ZNF121: variants seen among roughly 807,000 people sequenced by gnomAD.
The protein encoded by ZNF121 is zinc finger protein 121.
ZNF121 carries 1 observed loss-of-function variant against 2.4 expected under a neutral mutation model. The observed-to-expected ratio is 0.41, with a 90% confidence interval of 0.15 to 1.94. The LOEUF (loss-of-function observed/expected upper bound fraction) is 1.94, where lower values mean the gene tolerates loss of function less well. Ranked by LOEUF, ZNF121 falls within the 30% of genes most tolerant of loss-of-function variation. ZNF121 has a pLI of 0.30. For synonymous variants in ZNF121, 173 were observed against 158.6 expected, an observed-to-expected ratio of 1.09 and a Z score of -0.68; for missense variants, 369 against 466.3, an observed-to-expected ratio of 0.79 and a Z score of 1.92.
At chr19:9,581,181 C>T (rs988384519) in intron 1 of ZNF121, among the ~76,000 whole-genome samples, 1 of 152,150 alleles carries the variant, frequency 6.6e-6, no homozygotes, top group African/African-American at 2.4e-5. Flanking sequence ...ATTGAACACT[C>T]GAACAAAGGA....
In ZNF121 at chr19:9,569,879, G is replaced by A. The variant is rs115307861; in HGVS notation, c.-159-797C>T. On this transcript the variant is annotated intron_variant, in intron 1 of 3. Transcript: ENST00000320451. The stretch of plus-strand genomic sequence containing the variant: ...TTTTTTACGATATCGTCAAAAGCTC[G>A]AATATTGTGTCTTTTGTAGCTTTTC... Among the ~76,000 whole-genome samples the A allele has an allele frequency of 5.5e-3, 779 of 142,304 alleles. 9 individuals carry two copies. The highest frequency in any genetic ancestry group is 0.02 in the African/African-American group (747 of 37,556). The allele number at this position is 142,304 out of a possible 152,430, so 93.4% of individuals were successfully genotyped here. A position where few individuals can be genotyped will look rare whatever the true frequency, so the allele number is the denominator to read the frequency against.
chr19:9,581,572 T>C (rs905164747), intron 1 of ZNF121, among the ~76,000 whole-genome samples: 3 of 152,122 alleles, frequency 2.0e-5, no homozygotes, highest in African/African-American at 7.2e-5. Context: ...GGGGGGGTAC[T>C]ATGAATTAGA....
rs1294508160 is a variant in ZNF121, at chr19:9,562,549, T to C, written c.*3391A>G. 6.1e-6 allele frequency: 1 copy of C among 165,054 alleles called. No individual in the cohort carries two copies. Among genetic ancestry groups the C allele is most frequent in the Non-Finnish European group, 1.4e-5 (1 of 71,842 alleles). 10.2% of individuals were successfully genotyped at this position (165,054 alleles called of 1,614,324 possible). On this transcript the variant is annotated 3_prime_UTR_variant, in exon 4 of 4. Transcript: ENST00000320451. ...CGAAGACAGCAAACTTAACAAATGCTATGTTCTCACTGCTCCACCAACTGG... is the reference window on the plus strand; with the variant it reads ...CGAAGACAGCAAACTTAACAAATGCCATGTTCTCACTGCTCCACCAACTGG...
intron 1 of ZNF121, 138 bp downstream of exon 1, chr19:9,584,323 G>A (rs1229586311): frequency 6.6e-6 from 1 of 152,250 alleles, no homozygotes; most frequent in African/African-American, 2.4e-5. Flanking sequence ...TCTAGCCACT[G>A]GCCGCGCAAG....
Position 9,566,408 on chromosome 19 carries a change from T to G in ZNF121, c.705A>C (p.Lys235Asn), listed in dbSNP as rs759358625. Residue 235 changes from lysine (K) to asparagine (N), a missense_variant, in exon 4 of 4, where the codon AAA becomes AAC. Physicochemically the swap from Lys to Asn is moderately conservative, Grantham distance 94. Coordinates refer to ENST00000320451, the MANE Select transcript of ZNF121 (RefSeq NM_001008727.5). ...EKPYECNECG[K>N]AYNRFYLLTE... ...TTAGTAGATAAAACCTATTGTAGGCTTTCCCACATTCGTTACATTCATAGG... is the reference window on the plus strand; with the variant it reads ...TTAGTAGATAAAACCTATTGTAGGCGTTCCCACATTCGTTACATTCATAGG... 1 of 1,614,020 alleles carries G rather than the reference T, an allele frequency of 6.2e-7. No homozygotes were observed. Among genetic ancestry groups the G allele is most frequent in the African/African-American group, 1.3e-5 (1 of 74,948 alleles).
intron 3 of ZNF121, chr19:9,567,867 A>C: frequency 2.4e-6 from 1 of 422,440 alleles, no homozygotes; most frequent in Non-Finnish European, 4.4e-6. Context: ...GCGATGGGGA[A>C]TGGCTATACA....
rs116110907 is a variant in ZNF121 at position 9,565,618 on chromosome 19, A to G, written c.*322T>C. ...GAGACAAAGGTTGCAGTGAGCTGGG[A>G]TCATGCCATTGCACTCCAGCCTGTG... On this transcript the variant is annotated 3_prime_UTR_variant, in exon 4 of 4. Coordinates refer to ENST00000320451, the MANE Select transcript of ZNF121 (RefSeq NM_001008727.5). The G allele has an allele frequency of 0.028, 4,286 of 153,140 alleles. 198 individuals are homozygous for G. The highest frequency in any genetic ancestry group is 0.098 in the African/African-American group (4,066 of 41,446). 9.5% of individuals were successfully genotyped at this position (153,140 alleles called of 1,614,324 possible). A position where few individuals can be genotyped will look rare whatever the true frequency, so the allele number is the denominator to read the frequency against.
chr19:9,579,042 CA>C (rs2144822763), intron 1 of ZNF121, among the ~76,000 whole-genome samples: 1 of 147,854 alleles, frequency 6.8e-6, no homozygotes, highest in East Asian at 2.0e-4. Context: ...ACTTGTTTCT[CA>C]AAAAACGACA....
At chr19:9,580,563 A>C (rs1198941396) in intron 1 of ZNF121, among the ~76,000 whole-genome samples, 1 of 152,178 alleles carries the variant, frequency 6.6e-6, no homozygotes, top group Admixed American at 6.5e-5. Flanking sequence ...ACCACCCGTA[A>C]ACCTCTTGAA....
At chr19:9,568,727 C>A (rs577344635) in intron 2 of ZNF121, among the ~76,000 whole-genome samples, 108 of 151,972 alleles carry the variant, frequency 7.1e-4, no homozygotes, top group African/African-American at 2.6e-3. Flanking sequence ...AGATAATGAA[C>A]AGAAATAGTA....
In ZNF121 at chr19:9,565,940, T is replaced by C. The variant is rs911608093; in HGVS notation, c.1173A>G (p.Ter391TrpextTer13). Residue 391 changes from the stop codon to tryptophan, a stop_lost, in exon 4 of 4, where the codon TGA becomes TGG. Coordinates refer to ENST00000320451, the MANE Select transcript of ZNF121 (RefSeq NM_001008727.5). ...CATTCCTTACATTCAGAGTTTTTCT[T>C]CAGTGTGTTTTTAAATGTTTAGTAA... is the stretch of plus-strand genomic sequence containing the variant. The part of the protein sequence containing the change: ...YLLTKHLKTH[*>W] The C allele has an allele frequency of 1.3e-6, 2 of 1,537,930 alleles. No individual in the cohort carries two copies. The highest frequency in any genetic ancestry group is 8.8e-7 in the Non-Finnish European group (1 of 1,140,958).
intron 1 of ZNF121, among the ~76,000 whole-genome samples, chr19:9,574,470 T>C (rs771372830): frequency 6.6e-6 from 1 of 152,184 alleles, no homozygotes; most frequent in African/African-American, 2.4e-5. Context: ...AGGCCATTTT[T>C]ACACTTTCTG....
chr19:9,565,965 A>AC lies in ZNF121; in HGVS notation c.1147_1148insG (p.Leu383ArgfsTer3). 6.4e-7 allele frequency: 1 copy of AC among 1,571,948 alleles called. No homozygotes were observed. Among genetic ancestry groups the AC allele is most frequent in the Non-Finnish European group, 8.6e-7 (1 of 1,160,540 alleles). Reference sequence around the variant, plus strand: ...TCAGTGTGTTTTTAAATGTTTAGTAAGTAAATAAAATCTATTGTAGGCTTT... The same window carrying AC: ...TCAGTGTGTTTTTAAATGTTTAGTAACGTAAATAAAATCTATTGTAGGCTTT... On this transcript the variant is annotated frameshift_variant, in exon 4 of 4. Coordinates refer to ENST00000320451, the MANE Select transcript of ZNF121 (RefSeq NM_001008727.5). LOFTEE classifies it low-confidence loss of function (END_TRUNC).
rs2074116241 is a variant in ZNF121 at position 9,564,215 on chromosome 19, A to G, written c.*1725T>C. ...CATGGAAGGAGGTCAAAATATCAAC[A>G]TTAAGGCAGGTGTGGTGGTGTGTGC... On this transcript the variant is annotated 3_prime_UTR_variant, in exon 4 of 4. Coordinates refer to ENST00000320451, the MANE Select transcript of ZNF121 (RefSeq NM_001008727.5). The G allele has an allele frequency of 6.6e-6, 1 of 152,138 alleles. No homozygotes were observed. Among genetic ancestry groups the G allele is most frequent in the South Asian group, 2.1e-4 (1 of 4,826 alleles). The allele number at this position is 152,138 out of a possible 1,614,324, so 9.4% of individuals were successfully genotyped here.
rs1334367392 is a variant in ZNF121, at chr19:9,565,466, T to C, written c.*474A>G. 1 of 142,000 alleles carries C rather than the reference T, an allele frequency of 7.0e-6. No homozygotes were observed. Among genetic ancestry groups the C allele is most frequent in the Non-Finnish European group, 1.5e-5 (1 of 66,650 alleles). The allele number at this position is 142,000 out of a possible 1,614,324, so 8.8% of individuals were successfully genotyped here. ...GGGTGGATCACCTGAGGTCAGGAGC[T>C]CGAGACCAGCCTGGCCAACATGGTG... On this transcript the variant is annotated 3_prime_UTR_variant, in exon 4 of 4. Transcript: ENST00000320451.
At chr19:9,572,279 G>C (rs2074179741) in intron 1 of ZNF121, among the ~76,000 whole-genome samples, 2 of 152,168 alleles carry the variant, frequency 1.3e-5, no homozygotes, top group Admixed American at 1.3e-4. Context: ...GACGTTAAGA[G>C]AATCAAGTTT....
At chr19:9,578,753 A>G (rs1482948028) in intron 1 of ZNF121, among the ~76,000 whole-genome samples, 4 of 152,206 alleles carry the variant, frequency 2.6e-5, no homozygotes, top group African/African-American at 4.8e-5. Flanking sequence ...AACTGGGGAA[A>G]CAATCCAGGA....
chr19:9,567,180 TCAGA>T (rs776013996), intron 3 of ZNF121, 71 bp from the exon 4 acceptor site: 13 of 1,346,192 alleles, frequency 9.7e-6, no homozygotes, highest in Admixed American at 2.4e-5. Flanking sequence ...CCATCTGAAA[TCAGA>T]CAGTTTATTA....
rs1381922665 is a variant in ZNF121, at chr19:9,566,138, T to A, written c.975A>T (p.Ser325=). Residue 325 remains serine (S), a synonymous_variant, in exon 4 of 4, where the codon TCA becomes TCT. Transcript: ENST00000320451. ...GAGTTCTTATATGTTCAATGAGTTG[T>A]GAAGATGTAGCAAAGGCTTTCCCAC... ...KDCGKAFATS[S]QLIEHIRTHT... The A allele has an allele frequency of 1.2e-6, 2 of 1,613,996 alleles. No homozygotes were observed. Among genetic ancestry groups the A allele is most frequent in the African/African-American group, 2.7e-5 (2 of 74,926 alleles).
Sources: gnomAD v4.1 joint callset for allele counts (sites outside exome capture counted in the v4.1 genomes callset) on GRCh38, gnomAD v4.1.1 for gene constraint, MANE v1.5 for transcripts, NCBI Gene and HGNC (gene_info 2026-07-23, HGNC 2026-07-21) for gene names.